Variants in DICER1 observed in about 807,000 individuals in gnomAD.
DICER1 encodes the protein endoribonuclease Dicer.
In DICER1, 43 loss-of-function variants were observed where a neutral mutation model predicts 194.1. The observed-to-expected ratio is 0.22, with a 90% CI of 0.17 to 0.29. The LOEUF (loss-of-function observed/expected upper bound fraction) is 0.29, where lower values mean the gene tolerates loss of function less well. Among genes scored for constraint, DICER1 ranks in the 10% least tolerant of loss-of-function variants. The pLI, the probability that DICER1 is intolerant of heterozygous loss-of-function variation, is 1.00. For missense variants in DICER1, 1,608 were observed against 2,317.0 expected, an observed-to-expected ratio of 0.69 and a Z score of 6.28; for synonymous variants, 832 against 820.5, an observed-to-expected ratio of 1.01 and a Z score of -0.24.
At chr14:95,153,115 G>A (rs978476346) in intron 1 of DICER1, among the ~76,000 whole-genome samples, 2 of 152,050 alleles carry the variant, frequency 1.3e-5, no homozygotes, top group African/African-American at 4.8e-5. Context: ...TACTCGGGAG[G>A]CTGAGGCAGG....
chr14:95,138,702 T>A (rs948053861), intron 1 of DICER1, among the ~76,000 whole-genome samples: 2 of 150,646 alleles, frequency 1.3e-5, no homozygotes, highest in Non-Finnish European at 2.9e-5. Context: ...AGCTTCTCAG[T>A]AAACTATCGC....
At chr14:95,129,320 T>C in intron 6 of DICER1, 152 bp downstream of exon 6, 1 of 685,130 alleles carries the variant, frequency 1.5e-6, no homozygotes, top group Non-Finnish European at 2.5e-6. Context: ...CAGGTAATGG[T>C]ACTTATAGAG....
chr14:95,104,183 G>A, intron 20 of DICER1, 57 bp from the exon 21 acceptor site: 3 of 1,390,674 alleles, frequency 2.2e-6, no homozygotes, highest in East Asian at 2.3e-5. Context: ...TAGGCTGAGA[G>A]CAACAGCAAT....
intron 6 of DICER1, 22 bp downstream of exon 6, chr14:95,129,450 T>A (rs1273067430): frequency 6.2e-7 from 1 of 1,611,246 alleles, no homozygotes; most frequent in African/African-American, 1.3e-5. Context: ...TCATTAAAGC[T>A]GAGTCAATCA....
chr14:95,103,765 C>T lies in DICER1; in HGVS notation c.3631G>A (p.Val1211Met), dbSNP rs764470378. The T allele has an allele frequency of 8.1e-6, 13 of 1,613,994 alleles. No individual in the cohort carries two copies. The highest frequency in any genetic ancestry group is 1.6e-4 in the Middle Eastern group (1 of 6,084). ...QLNYYKQEIP[V>M]QPTTSYSIQN... The stretch of plus-strand genomic sequence containing the variant: ...ATGGAATATGAGGTAGTTGGTTGCA[C>T]GGGTATTTCCTGCTTGTAGTAATTT... Residue 1211 changes from valine to methionine, a missense_variant, in exon 21 of 27, where the codon GTG becomes ATG. This residue lies in a region of DICER1 where 222 missense variants were observed against 215.5 expected (regional missense o/e 1.03). Coordinates refer to ENST00000343455, the MANE Select transcript of DICER1 (RefSeq NM_177438.3).
chr14:95,157,723 G>A (rs1425110809), upstream of DICER1: 1 of 152,216 alleles, frequency 6.6e-6, no homozygotes, highest in Non-Finnish European at 1.5e-5. Flanking sequence ...ACTGGACCTT[G>A]GCGTTGGGCC....
chr14:95,086,275 C>CA lies in DICER1; in HGVS notation c.*4222dup, dbSNP rs918918852. The CA allele has an allele frequency of 3.9e-5, 9 of 231,644 alleles. No individual in the cohort carries two copies. Among genetic ancestry groups the CA allele is most frequent in the Non-Finnish European group, 6.8e-5 (8 of 117,398 alleles). 14.3% of individuals were successfully genotyped at this position (231,644 alleles called of 1,614,324 possible). ...GAGATTTACTTGGCTACAATTATTA[C>CA]AAAAAAAACAACTAAAGGTAATTGT... On this transcript the variant is annotated 3_prime_UTR_variant, in exon 27 of 27. Transcript: ENST00000343455.
intron 14 of DICER1, among the ~76,000 whole-genome samples, chr14:95,109,033 C>A (rs1415064209): frequency 6.6e-6 from 1 of 152,132 alleles, no homozygotes; most frequent in African/African-American, 2.4e-5. Flanking sequence ...TTTTTCAATA[C>A]AAATAAAATC....
chr14:95,119,816 A>G (rs760993356), intron 8 of DICER1, among the ~76,000 whole-genome samples: 30 of 152,204 alleles, frequency 2.0e-4, no homozygotes, highest in Admixed American at 2.0e-4. Context: ...TCAAGCATCA[A>G]TTTTATTGTA....
At chr14:95,112,716 C>A (rs1445917526) in intron 12 of DICER1, among the ~76,000 whole-genome samples, 1 of 152,072 alleles carries the variant, frequency 6.6e-6, no homozygotes, top group Non-Finnish European at 1.5e-5. Flanking sequence ...ACTAGGACAA[C>A]GCAACGATCT....
At chr14:95,137,350 G>A (rs1204156991) in intron 1 of DICER1, among the ~76,000 whole-genome samples, 1 of 123,172 alleles carries the variant, frequency 8.1e-6, no homozygotes, top group African/African-American at 3.7e-5. Flanking sequence ...AAGGGGAAGG[G>A]AAAGAGGAAG....
chr14:95,154,883 A>T (rs1038306029), intron 1 of DICER1, among the ~76,000 whole-genome samples: 2 of 151,682 alleles, frequency 1.3e-5, no homozygotes, highest in African/African-American at 4.9e-5. Flanking sequence ...AAAAAAAAAC[A>T]ACTATCTGAA....
At chr14:95,141,410 T>C (rs1233209745) in intron 1 of DICER1, among the ~76,000 whole-genome samples, 2 of 152,176 alleles carry the variant, frequency 1.3e-5, no homozygotes, top group Non-Finnish European at 2.9e-5. Context: ...AAAATGTAGA[T>C]ATAAAAAGTT....
Position 95,095,858 on chromosome 14 carries a change from T to C in DICER1, c.5062A>G (p.Thr1688Ala). Residue 1688 changes from threonine to alanine, a missense_variant, in exon 23 of 27, where the codon ACA becomes GCA. Physicochemically the swap from Thr to Ala is moderately conservative, Grantham distance 58. This residue lies in a region of DICER1 where 138 missense variants were observed against 298.3 expected (regional missense o/e 0.46). Coordinates refer to ENST00000343455, the MANE Select transcript of DICER1 (RefSeq NM_177438.3). ...GTATTGTAGTGGTAGGAGGCATGTGTAAAAGCCTGGAGAAGGTAAGCCTTA... is the reference window on the plus strand; with the variant it reads ...GTATTGTAGTGGTAGGAGGCATGTGCAAAAGCCTGGAGAAGGTAAGCCTTA... ...KNKAYLLQAF[T>A]HASYHYNTIT... 1 of 1,614,198 alleles carries C rather than the reference T, an allele frequency of 6.2e-7. No homozygotes were observed. The highest frequency in any genetic ancestry group is 1.1e-5 in the South Asian group (1 of 91,086).
chr14:95,113,076 C>A lies in DICER1; in HGVS notation c.2040+16G>T, dbSNP rs201592071. ...ACATTTTAAAAGATAACAATCATTT[C>A]TTCTTCTAAACTTACAACAATGGAG... On this transcript the variant is annotated intron_variant, in intron 12 of 26. Transcript: ENST00000343455. 5 of 1,612,382 alleles carry A rather than the reference C, an allele frequency of 3.1e-6. No homozygotes were observed. The East Asian group carries it at 1.1e-4, about 36-fold the overall frequency.
In DICER1 at chr14:95,089,587, G is replaced by T. The variant is rs181259651; in HGVS notation, c.*911C>A. The T allele has an allele frequency of 1.3e-5, 3 of 231,858 alleles. No individual in the cohort carries two copies. In the East Asian group the frequency reaches 1.8e-4, roughly 14 times the overall value. The allele number at this position is 231,858 out of a possible 1,614,324, so 14.4% of individuals were successfully genotyped here. A position where few individuals can be genotyped will look rare whatever the true frequency, so the allele number is the denominator to read the frequency against. ...GGCAGGAGGACTTTAGTAAAATGGG[G>T]TGTTTAGCCAAAGATCATTTTTATG... On this transcript the variant is annotated 3_prime_UTR_variant, in exon 27 of 27. Coordinates refer to ENST00000343455, the MANE Select transcript of DICER1 (RefSeq NM_177438.3).
chr14:95,141,279 T>C (rs1469262696), intron 1 of DICER1: 3 of 152,220 alleles, frequency 2.0e-5, no homozygotes, highest in African/African-American at 7.2e-5. Flanking sequence ...ACTATACATT[T>C]TTATAGAATT....
chr14:95,111,942 CAAAT>C (rs1892002781), intron 13 of DICER1, among the ~76,000 whole-genome samples: 1 of 152,116 alleles, frequency 6.6e-6, no homozygotes, highest in Non-Finnish European at 1.5e-5. Context: ...TTAAAGAGAG[CAAAT>C]AAATGACAGT....
intron 17 of DICER1, among the ~76,000 whole-genome samples, chr14:95,106,594 A>G (rs1051240265): frequency 3.3e-5 from 5 of 152,170 alleles, no homozygotes; most frequent in Non-Finnish European, 7.4e-5. Context: ...GACACTTGTC[A>G]TATAAAACGT....
Sources: gnomAD v4.1 joint callset for allele counts (sites outside exome capture counted in the v4.1 genomes callset) on GRCh38, gnomAD v4.1.1 for gene constraint, gnomAD v4.1.1 regional missense constraint, MANE v1.5 for transcripts, NCBI Gene and HGNC (gene_info 2026-07-23, HGNC 2026-07-21) for gene names.